The following MRTFB variants were observed in gnomAD, a reference collection of about 807,000 sequenced individuals.
MRTFB encodes the protein myocardin-related transcription factor B.
Under a neutral mutation model 104.2 loss-of-function variants are expected in MRTFB, and 29 were observed. The observed-to-expected ratio is 0.28, with a 90% CI of 0.21 to 0.38. The LOEUF (loss-of-function observed/expected upper bound fraction) is 0.38, where lower values mean the gene tolerates loss of function less well. Ranked by LOEUF, MRTFB falls within the 10% of genes least tolerant of loss-of-function variation. The probability of loss-of-function intolerance (pLI) is 1.00; values close to 1 mark genes in which losing one functional copy is unlikely to be tolerated. For synonymous variants in MRTFB, 535 were observed against 519.5 expected (o/e 1.03, Z -0.41); for missense variants, 1,270 against 1,341.6 (o/e 0.95, Z 0.83).
intron 10 of MRTFB, among the ~76,000 whole-genome samples, chr16:14,242,495 GTTTATA>G: frequency 6.6e-6 from 1 of 152,306 alleles, no homozygotes; most frequent in East Asian, 1.9e-4. Context: ...CTAACGCATT[GTTTATA>G]TTTATCAAAA....
At chr16:14,156,243 GA>G (rs904214445) in intron 3 of MRTFB, among the ~76,000 whole-genome samples, 21 of 152,196 alleles carry the variant, frequency 1.4e-4, no homozygotes, top group African/African-American at 4.8e-4. Context: ...ATCATGGCTG[GA>G]AAACGAGGGT....
intron 2 of MRTFB, among the ~76,000 whole-genome samples, chr16:14,134,776 C>T (rs2037624164): frequency 1.3e-5 from 2 of 152,194 alleles, no homozygotes; most frequent in African/African-American, 4.8e-5. Context: ...CATTTTGGCA[C>T]ATACATATAC....
intron 3 of MRTFB, among the ~76,000 whole-genome samples, chr16:14,192,099 G>A (rs1380095882): frequency 2.0e-5 from 3 of 152,062 alleles, no homozygotes; most frequent in East Asian, 1.9e-4. Flanking sequence ...AGTGGGGCAC[G>A]GTGGCTCACA....
Position 14,247,458 on chromosome 16 carries a change from G to A in MRTFB, c.2198G>A (p.Gly733Asp), listed in dbSNP as rs771535495. 3 of 1,593,400 alleles carry A rather than the reference G, an allele frequency of 1.9e-6. No individual in the cohort carries two copies. Among genetic ancestry groups the A allele is most frequent in the Admixed American group, 1.7e-5 (1 of 58,006 alleles). ...CTGCTGCTCCCAGTGTCCATCCAGG[G>A]CTCGAGTGTCACCTCAGTGCAACTC... ...AQLLLPVSIQ[G>D]SSVTSVQLPV... The change falls in exon 12 of 17, where the codon GGC (glycine) becomes GAC (aspartate). Residue 733 changes from glycine (G) to aspartate (D), a missense_variant. Gly to Asp is a moderately conservative substitution (Grantham distance 94). Coordinates refer to ENST00000571589, the MANE Select transcript of MRTFB (RefSeq NM_001308142.2).
At chr16:14,019,495 T>G in the MRTFB span, 1 of 152,190 alleles carries the variant, frequency 6.6e-6, no homozygotes, top group Non-Finnish European at 1.5e-5. Flanking sequence ...ACACATAAAA[T>G]TAACCATCAC....
chr16:14,071,098 G>C (rs1446734767), upstream of MRTFB, among the ~76,000 whole-genome samples: 1 of 152,196 alleles, frequency 6.6e-6, no homozygotes, highest in South Asian at 2.1e-4. Context: ...GGCCAGGTGA[G>C]AAGGAGGCGG....
intron 2 of MRTFB, among the ~76,000 whole-genome samples, chr16:14,104,529 A>G (rs960579667): frequency 6.6e-6 from 1 of 152,198 alleles, no homozygotes; most frequent in African/African-American, 2.4e-5. Flanking sequence ...TTTCAGATGT[A>G]TCAATAAATC....
chr16:14,140,739 C>A lies in MRTFB; in HGVS notation c.133C>A (p.Pro45Thr), dbSNP rs759999122. The change falls in exon 3 of 17, where the codon CCT (proline) becomes ACT (threonine). Residue 45 changes from proline to threonine, a missense_variant. Physicochemically the swap from Pro to Thr is conservative, Grantham distance 38 (BLOSUM62 -1). Transcript: ENST00000571589. The part of the protein sequence containing the change: ...LSLQSSQNLP[P>T]LNERKNVLQL... ...CTTGCAGTCCAGTCAAAACTTACCC[C>A]CTCTGAACGAAAGGAAAAATGGTGA... 1 of 1,614,116 alleles carries A rather than the reference C, an allele frequency of 6.2e-7. No individual in the cohort carries two copies. Among genetic ancestry groups the A allele is most frequent in the Non-Finnish European group, 8.5e-7 (1 of 1,180,022 alleles).
At chr16:14,148,380 A>T (rs528022721) in intron 3 of MRTFB, among the ~76,000 whole-genome samples, 22 of 152,304 alleles carry the variant, frequency 1.4e-4, no homozygotes, top group African/African-American at 5.1e-4. Context: ...TCTCTACCAT[A>T]CCTATAAAAG....
At chr16:14,032,962 C>A in the MRTFB span, among the ~76,000 whole-genome samples, 4 of 152,142 alleles carry the variant, frequency 2.6e-5, no homozygotes, top group East Asian at 7.7e-4. Flanking sequence ...GTTGGAACCA[C>A]AGACATGCTC....
At position 14,265,769 on chromosome 16, in the gene MRTFB, C is replaced by T. The variant is rs1011712798; in HGVS notation, c.*4325C>T. ...TCTTACCCTCCATGCAAACACTTTG[C>T]TCTGTGGTGTCACAGCTTTGTGACA... On this transcript the variant is annotated 3_prime_UTR_variant, in exon 17 of 17. Transcript: ENST00000571589. 1.3e-5 allele frequency: 2 copies of T among 152,194 alleles called. No individual in the cohort carries two copies. The highest frequency in any genetic ancestry group is 2.4e-5 in the African/African-American group (1 of 41,436). 9.4% of individuals were successfully genotyped at this position (152,194 alleles called of 1,614,324 possible).
chr16:14,229,325 G>A (rs961301780), intron 8 of MRTFB, among the ~76,000 whole-genome samples: 6 of 112,358 alleles, frequency 5.3e-5, no homozygotes, highest in Admixed American at 1.0e-4. Flanking sequence ...TATGCAATGC[G>A]TGATTTTTGT....
the MRTFB span, among the ~76,000 whole-genome samples, chr16:14,060,771 T>C: frequency 6.6e-6 from 1 of 152,038 alleles, no homozygotes; most frequent in African/African-American, 2.4e-5. Context: ...AGGGAATCAG[T>C]GAGCAAGTGA....
intron 2 of MRTFB, among the ~76,000 whole-genome samples, chr16:14,109,912 A>G (rs1351334285): frequency 1.3e-5 from 2 of 152,234 alleles, no homozygotes; most frequent in Non-Finnish European, 2.9e-5. Flanking sequence ...AACCATACAC[A>G]TGGCTCAAGA....
chr16:14,021,415 T>C, the MRTFB span, among the ~76,000 whole-genome samples: 224 of 152,210 alleles, frequency 1.5e-3, no homozygotes, highest in Non-Finnish European at 2.9e-3. Context: ...TCTCTATGAC[T>C]TCTTATTTTA....
chr16:14,085,870 A>T (rs1490853011), intron 2 of MRTFB, among the ~76,000 whole-genome samples: 1 of 152,214 alleles, frequency 6.6e-6, no homozygotes, highest in African/African-American at 2.4e-5. Context: ...TGAAATGTTG[A>T]ATTGGCCTGT....
chr16:14,123,350 C>G (rs1026556230), intron 2 of MRTFB, among the ~76,000 whole-genome samples: 1 of 152,084 alleles, frequency 6.6e-6, no homozygotes, highest in Non-Finnish European at 1.5e-5. Flanking sequence ...ACATGAAGTC[C>G]TTGCCATGCC....
intron 2 of MRTFB, among the ~76,000 whole-genome samples, chr16:14,140,278 A>C (rs1567372645): frequency 6.6e-6 from 1 of 152,230 alleles, no homozygotes; most frequent in Non-Finnish European, 1.5e-5. Flanking sequence ...TAGTGCCACC[A>C]ATGGCTATGA....
chr16:14,138,921 A>C (rs982149287), intron 2 of MRTFB, among the ~76,000 whole-genome samples: 7 of 152,244 alleles, frequency 4.6e-5, no homozygotes, highest in Non-Finnish European at 8.8e-5. Flanking sequence ...CACATAAATA[A>C]AAATTAACTC....
Sources: gnomAD v4.1 joint callset for allele counts (sites outside exome capture counted in the v4.1 genomes callset) on GRCh38, gnomAD v4.1.1 for gene constraint, MANE v1.5 for transcripts, NCBI Gene and HGNC (gene_info 2026-07-23, HGNC 2026-07-21) for gene names.